The following GRID1 variants were observed in gnomAD, a reference collection of about 807,000 sequenced individuals.
The protein encoded by GRID1 is glutamate ionotropic receptor delta type subunit 1, also known as glutamate receptor ionotropic, delta-1.
GRID1 carries 28 observed loss-of-function variants against 98.0 expected under a neutral mutation model. The ratio of observed to expected loss-of-function variants is 0.29; its 90% CI spans 0.21 to 0.39. GRID1 has a LOEUF of 0.39. GRID1 is among the 10% of genes least tolerant of loss of function. GRID1 has a pLI of 1.00. For missense variants in GRID1, 1,111 were observed against 1,340.5 expected (o/e 0.83, Z 2.67); for synonymous variants, 553 against 538.5 (o/e 1.03, Z -0.37).
chr10:85,645,145 T>C (rs943615219), intron 13 of GRID1, among the ~76,000 whole-genome samples: 1 of 152,154 alleles, frequency 6.6e-6, no homozygotes, highest in Non-Finnish European at 1.5e-5. Context: ...AAGTCAAAAG[T>C]AGCTATCTTT....
chr10:85,605,918 G>A (rs1388528560), intron 15 of GRID1: 3 of 152,342 alleles, frequency 2.0e-5, no homozygotes, highest in Non-Finnish European at 4.4e-5. Flanking sequence ...GAAGATGTAA[G>A]TGAGGGAAGT....
chr10:86,174,205 C>T (rs1247610634), intron 3 of GRID1, among the ~76,000 whole-genome samples: 5 of 152,060 alleles, frequency 3.3e-5, no homozygotes, highest in Admixed American at 3.3e-4. Context: ...GCCAAAAGAA[C>T]AAAGCTGGAG....
intron 2 of GRID1, among the ~76,000 whole-genome samples, chr10:86,331,063 C>A (rs1463840819): frequency 6.6e-6 from 1 of 152,256 alleles, no homozygotes; most frequent in Non-Finnish European, 1.5e-5. Flanking sequence ...CATAAACAAT[C>A]CAGGGAGGCT....
intron 4 of GRID1, among the ~76,000 whole-genome samples, chr10:86,123,976 G>A (rs1260417906): frequency 6.6e-6 from 1 of 152,192 alleles, no homozygotes; most frequent in Non-Finnish European, 1.5e-5. Context: ...CCCAGAATGA[G>A]GCTGCCAGGC....
intron 4 of GRID1, among the ~76,000 whole-genome samples, chr10:85,949,867 A>C (rs1324939785): frequency 6.6e-6 from 1 of 152,138 alleles, no homozygotes; most frequent in Non-Finnish European, 1.5e-5. Flanking sequence ...AGACAGAGAA[A>C]AGAGAGATAC....
At chr10:86,196,055 T>C (rs1388850075) in intron 3 of GRID1, among the ~76,000 whole-genome samples, 2 of 152,076 alleles carry the variant, frequency 1.3e-5, no homozygotes, top group Non-Finnish European at 2.9e-5. Flanking sequence ...CACGACAACC[T>C]GGCCTCTGAG....
intron 12 of GRID1, among the ~76,000 whole-genome samples, chr10:85,701,187 A>G (rs959827044): frequency 1.3e-5 from 2 of 152,156 alleles, no homozygotes; most frequent in African/African-American, 4.8e-5. Context: ...AATTCTTCTC[A>G]CTTTGAAAAT....
chr10:85,982,928 C>G (rs1189950230), intron 4 of GRID1, among the ~76,000 whole-genome samples: 3 of 152,190 alleles, frequency 2.0e-5, no homozygotes, highest in African/African-American at 4.8e-5. Flanking sequence ...CTGTAAAAAC[C>G]TGCATAAAAA....
intron 12 of GRID1, among the ~76,000 whole-genome samples, chr10:85,710,179 A>G (rs972461909): frequency 2.6e-5 from 4 of 152,214 alleles, no homozygotes; most frequent in Admixed American, 2.0e-4. Context: ...CGTCTTGGAA[A>G]AAAACACAAT....
At chr10:86,041,138 A>G (rs1843339537) in intron 4 of GRID1, among the ~76,000 whole-genome samples, 1 of 152,008 alleles carries the variant, frequency 6.6e-6, no homozygotes, top group Admixed American at 6.5e-5. Context: ...TAACCACTTC[A>G]CTCCACCTAT....
intron 12 of GRID1, among the ~76,000 whole-genome samples, chr10:85,701,752 C>T (rs1841453929): frequency 6.6e-6 from 1 of 152,122 alleles, no homozygotes; most frequent in Non-Finnish European, 1.5e-5. Flanking sequence ...ATCATATGTT[C>T]TCACTGATAT....
chr10:85,716,581 AAAG>A (rs1377539317), intron 12 of GRID1, among the ~76,000 whole-genome samples: 2 of 150,068 alleles, frequency 1.3e-5, no homozygotes, highest in African/African-American at 4.9e-5. Flanking sequence ...ATAAAATAAA[AAAG>A]AAAATGTGAT....
intron 2 of GRID1, among the ~76,000 whole-genome samples, chr10:86,360,722 T>C (rs761374349): frequency 6.6e-6 from 1 of 152,224 alleles, no homozygotes; most frequent in Non-Finnish European, 1.5e-5. Flanking sequence ...ATGTCTCATC[T>C]CATTTAATCC....
At chr10:86,337,698 CTTTTTTT>C (rs57891044) in intron 2 of GRID1, among the ~76,000 whole-genome samples, 4 of 73,282 alleles carry the variant, frequency 5.5e-5, no homozygotes, top group Non-Finnish European at 9.5e-5. Context: ...CCTTTGGGAA[CTTTTTTT>C]TTTTTTTTTT....
intron 12 of GRID1, among the ~76,000 whole-genome samples, chr10:85,682,852 G>A (rs756356000): frequency 1.3e-5 from 2 of 152,228 alleles, no homozygotes; most frequent in Non-Finnish European, 2.9e-5. Flanking sequence ...AAGCCTGCCT[G>A]TTGTGAGAAT....
intron 8 of GRID1, among the ~76,000 whole-genome samples, chr10:85,795,977 G>A (rs913717143): frequency 6.6e-6 from 1 of 152,140 alleles, no homozygotes; most frequent in African/African-American, 2.4e-5. Context: ...GGGGAGCTGG[G>A]GAGTTAAGGG....
At chr10:86,161,251 G>C (rs1021535083) in intron 3 of GRID1, among the ~76,000 whole-genome samples, 3 of 152,142 alleles carry the variant, frequency 2.0e-5, no homozygotes, top group Non-Finnish European at 4.4e-5. Flanking sequence ...AGGGAAATCC[G>C]GGGCCTGACA....
chr10:86,269,148 C>G (rs1036974477), intron 2 of GRID1, among the ~76,000 whole-genome samples: 1 of 152,194 alleles, frequency 6.6e-6, no homozygotes, highest in Non-Finnish European at 1.5e-5. Context: ...CCAGTGCATT[C>G]TTAAAATAAC....
At chr10:86,119,561 C>A (rs1844635938) in intron 4 of GRID1, among the ~76,000 whole-genome samples, 2 of 152,098 alleles carry the variant, frequency 1.3e-5, no homozygotes, top group South Asian at 4.1e-4. Context: ...ACCCTAAATT[C>A]TATAGGATAC....
Sources: allele counts gnomAD v4.1 joint callset (sites outside exome capture counted in the v4.1 genomes callset), GRCh38; gene constraint gnomAD v4.1.1; transcripts MANE v1.5; gene names NCBI Gene and HGNC (gene_info 2026-07-23, HGNC 2026-07-21).